Variants in CRTC1 observed in about 807,000 individuals in gnomAD.
CRTC1 encodes the protein CREB regulated transcription coactivator 1.
Under a neutral mutation model 66.1 loss-of-function variants are expected in CRTC1, and 18 were observed. The ratio of observed to expected loss-of-function variants is 0.27; its 90% CI spans 0.19 to 0.40. The LOEUF (loss-of-function observed/expected upper bound fraction) is 0.40, where lower values mean the gene tolerates loss of function less well. CRTC1 is among the 10% of genes least tolerant of loss of function. CRTC1 has a pLI of 1.00. For synonymous variants in CRTC1, 416 were observed against 398.8 expected (o/e 1.04, Z -0.51); for missense variants, 669 against 887.9 (o/e 0.75, Z 3.13).
At chr19:18,774,806 C>T in intron 11 of CRTC1, 94 bp from the exon 12 acceptor site, 2 of 1,188,100 alleles carry the variant, frequency 1.7e-6, no homozygotes, top group Non-Finnish European at 2.5e-6. Flanking sequence ...TGGGAGGTTC[C>T]AGGGGCCTCT....
intron 4 of CRTC1, among the ~76,000 whole-genome samples, chr19:18,749,438 C>G (rs1274081584): frequency 6.6e-6 from 1 of 152,212 alleles, no homozygotes; most frequent in Non-Finnish European, 1.5e-5. Flanking sequence ...GGGCACTGTC[C>G]TTTCCCCAAA....
intron 11 of CRTC1, among the ~76,000 whole-genome samples, chr19:18,772,552 C>T (rs569688009): frequency 3.3e-4 from 51 of 152,330 alleles, no homozygotes; most frequent in African/African-American, 1.1e-3. Context: ...ATAAAAGAGT[C>T]GCTCCTCCAG....
At chr19:18,697,005 G>T (rs1423725743) in intron 1 of CRTC1, among the ~76,000 whole-genome samples, 7 of 152,058 alleles carry the variant, frequency 4.6e-5, no homozygotes, top group East Asian at 1.9e-4. Context: ...TCTGGTTGGG[G>T]TATGTCTCTG....
intron 2 of CRTC1, among the ~76,000 whole-genome samples, chr19:18,743,462 C>T (rs1396343310): frequency 3.3e-5 from 5 of 152,242 alleles, no homozygotes; most frequent in African/African-American, 1.2e-4. Flanking sequence ...GGCCGCACAG[C>T]CGCCGTGCAC....
chr19:18,713,808 C>T (rs749202639), intron 1 of CRTC1, among the ~76,000 whole-genome samples: 5 of 152,196 alleles, frequency 3.3e-5, no homozygotes, highest in African/African-American at 4.8e-5. Context: ...GCTGCACGCG[C>T]GGGGAGGAGC....
At chr19:18,722,406 G>A (rs1013183528) in intron 1 of CRTC1, among the ~76,000 whole-genome samples, 4 of 152,198 alleles carry the variant, frequency 2.6e-5, no homozygotes, top group Admixed American at 1.3e-4. Flanking sequence ...TGGAAAAAAG[G>A]TCTTTGGGGG....
chr19:18,683,949 G>GC (rs1166293812), intron 1 of CRTC1, 121 bp downstream of exon 1: 1 of 254,802 alleles, frequency 3.9e-6, no homozygotes, highest in African/African-American at 2.4e-5. Flanking sequence ...CGCGCGGCGG[G>GC]GGCGGGGCTT....
At chr19:18,747,136 C>G (rs1197767528) in intron 4 of CRTC1, 22 bp downstream of exon 4, 3 of 878,078 alleles carry the variant, frequency 3.4e-6, no homozygotes, top group South Asian at 2.6e-5. Flanking sequence ...GACACCCCCC[C>G]CCCGCCCCCT....
At chr19:18,744,996 G>C (rs1478333054) in intron 2 of CRTC1, among the ~76,000 whole-genome samples, 1 of 152,178 alleles carries the variant, frequency 6.6e-6, no homozygotes, top group East Asian at 1.9e-4. Flanking sequence ...TGGCCGGACT[G>C]GGGGATTGGC....
intron 12 of CRTC1, 91 bp from the exon 13 acceptor site, chr19:18,775,550 G>T: frequency 1.7e-6 from 2 of 1,185,392 alleles, no homozygotes; most frequent in East Asian, 5.4e-5. Context: ...CCCCAGCTGC[G>T]GGCAGGACAG....
At position 18,771,378 on chromosome 19, in the gene CRTC1, G is replaced by A; in HGVS notation, c.1321-64G>A. On this transcript the variant is annotated intron_variant, in intron 10 of 13. Transcript: ENST00000321949. This position sits in a 1 kb window ranked among gnomAD's most constrained non-coding sequence, Gnocchi z 4.6. ...GGGCTGATCAGGCTGCTCCCGGGAAGCAGGGACTGGAGCCCGGGCTTGGGC... is the reference window on the plus strand; with the variant it reads ...GGGCTGATCAGGCTGCTCCCGGGAAACAGGGACTGGAGCCCGGGCTTGGGC... 3 of 1,414,716 alleles carry A rather than the reference G, an allele frequency of 2.1e-6. No homozygotes were observed. Among genetic ancestry groups the A allele is most frequent in the South Asian group, 2.6e-5 (2 of 77,102 alleles). The allele number at this position is 1,414,716 out of a possible 1,614,324, so 87.6% of individuals were successfully genotyped here. A position where few individuals can be genotyped will look rare whatever the true frequency, so the allele number is the denominator to read the frequency against.
In CRTC1 at chr19:18,741,517, G is replaced by A. The variant is rs543312075; in HGVS notation, c.127-1393G>A. ...CACAGAAGAGGGTGGAGAAAGTCACGGGAGGCCACAGGCGACCTATGCCCA... is the reference window on the plus strand; with the variant it reads ...CACAGAAGAGGGTGGAGAAAGTCACAGGAGGCCACAGGCGACCTATGCCCA... On this transcript the variant is annotated intron_variant, in intron 1 of 13. Coordinates refer to ENST00000321949, the MANE Select transcript of CRTC1 (RefSeq NM_015321.3). The surrounding 1 kb of genome is among the most constrained non-coding windows in gnomAD (Gnocchi z 4.2). 1.3e-5 allele frequency among the ~76,000 whole-genome samples: 2 copies of A among 152,306 alleles called. No homozygotes were observed. Among genetic ancestry groups the A allele is most frequent in the East Asian group, 3.9e-4 (2 of 5,176 alleles).
intron 8 of CRTC1, among the ~76,000 whole-genome samples, chr19:18,761,801 T>C (rs2054619879): frequency 6.6e-6 from 1 of 151,830 alleles, no homozygotes; most frequent in African/African-American, 2.4e-5. Flanking sequence ...GAGGGTGGCG[T>C]GAATGTTCCT....
Position 18,781,817 on chromosome 19 carries a change from C to G in CRTC1, c.*4435C>G. On this transcript the variant is annotated 3_prime_UTR_variant, in exon 14 of 14. Transcript: ENST00000321949. ...ACCTTCTGGGCTCCTGGCCAGCACCCCACCCCCAGGAGCCAGGGACAGGTG... is the reference window on the plus strand; with the variant it reads ...ACCTTCTGGGCTCCTGGCCAGCACCGCACCCCCAGGAGCCAGGGACAGGTG... 1 of 231,060 alleles carries G rather than the reference C, an allele frequency of 4.3e-6. No individual in the cohort carries two copies. The highest frequency in any genetic ancestry group is 8.6e-6 in the Non-Finnish European group (1 of 116,680). The allele number at this position is 231,060 out of a possible 1,614,324, so 14.3% of individuals were successfully genotyped here.
chr19:18,770,209 G>A (rs2054830754), intron 10 of CRTC1, among the ~76,000 whole-genome samples: 1 of 152,220 alleles, frequency 6.6e-6, no homozygotes, highest in Admixed American at 6.5e-5. Context: ...ACAAGAGAGT[G>A]GTCTGAATCC....
intron 1 of CRTC1, among the ~76,000 whole-genome samples, chr19:18,689,574 T>G (rs200576819): frequency 1.1e-5 from 1 of 93,132 alleles, no homozygotes; most frequent in East Asian, 3.5e-4. Flanking sequence ...CATATATATA[T>G]ATATATATAT....
Position 18,775,168 on chromosome 19 carries a change from C to T in CRTC1, c.1512+182C>T, listed in dbSNP as rs577736637. 1.1e-4 allele frequency among the ~76,000 whole-genome samples: 17 copies of T among 152,362 alleles called. No individual in the cohort carries two copies. The East Asian group carries it at 1.2e-3, about 10-fold the overall frequency. Reference sequence around the variant, plus strand: ...CTGCGGGCTATGGAGGCTGAGTCCCCGGCAGGGGTGGCCTAGCGCTGCCTC... The same window carrying T: ...CTGCGGGCTATGGAGGCTGAGTCCCTGGCAGGGGTGGCCTAGCGCTGCCTC... On this transcript the variant is annotated intron_variant, in intron 12 of 13. Coordinates refer to ENST00000321949, the MANE Select transcript of CRTC1 (RefSeq NM_015321.3).
chr19:18,712,865 C>T (rs1428532642), intron 1 of CRTC1, among the ~76,000 whole-genome samples: 4 of 151,712 alleles, frequency 2.6e-5, no homozygotes, highest in African/African-American at 9.7e-5. Flanking sequence ...GAGGCTGAGG[C>T]AGGAGAATGG....
intron 1 of CRTC1, among the ~76,000 whole-genome samples, chr19:18,698,105 T>G (rs7258722): frequency 6.6e-6 from 1 of 151,526 alleles, no homozygotes; most frequent in African/African-American, 2.4e-5. Context: ...GTAGGTGCTC[T>G]GCAGGTGCAC....
Sources: allele counts gnomAD v4.1 joint callset (sites outside exome capture counted in the v4.1 genomes callset), GRCh38; gene constraint gnomAD v4.1.1; non-coding constraint Gnocchi (gnomAD v3.1); transcripts MANE v1.5; gene names NCBI Gene and HGNC (gene_info 2026-07-23, HGNC 2026-07-21).